Variants in ZC3H3 observed in about 807,000 individuals in gnomAD.
ZC3H3 encodes the protein zinc finger CCCH domain-containing protein 3.
In ZC3H3, 36 loss-of-function variants were observed where a neutral mutation model predicts 77.3. The observed-to-expected ratio is 0.47, with a 90% CI of 0.36 to 0.61. ZC3H3 has a LOEUF of 0.61. ZC3H3 is among the 20% of genes least tolerant of loss of function. The probability of loss-of-function intolerance (pLI) is 0.00; values close to 1 mark genes in which losing one functional copy is unlikely to be tolerated. For missense variants in ZC3H3, 1,331 were observed against 1,312.2 expected (o/e 1.01, Z -0.22); for synonymous variants, 626 against 555.2 (o/e 1.13, Z -1.79).
chr8:143,516,697 G>A (rs1379345442), intron 3 of ZC3H3, among the ~76,000 whole-genome samples: 1 of 152,098 alleles, frequency 6.6e-6, no homozygotes, highest in African/African-American at 2.4e-5. Context: ...TGCCTGGGAG[G>A]CTGGGCCCCA....
intron 4 of ZC3H3, among the ~76,000 whole-genome samples, chr8:143,501,068 C>T (rs964751824): frequency 6.6e-6 from 1 of 151,382 alleles, no homozygotes; most frequent in African/African-American, 2.4e-5. Context: ...CCGCCTATCT[C>T]GGCCTCCCAA....
intron 3 of ZC3H3, among the ~76,000 whole-genome samples, chr8:143,508,724 C>A (rs1038400522): frequency 6.6e-6 from 1 of 152,034 alleles, no homozygotes; most frequent in Non-Finnish European, 1.5e-5. Flanking sequence ...AGGCCCCCGC[C>A]CCCCTCCACC....
chr8:143,481,768 C>T (rs1490786164), intron 4 of ZC3H3, among the ~76,000 whole-genome samples: 3 of 152,240 alleles, frequency 2.0e-5, no homozygotes, highest in Non-Finnish European at 2.9e-5. Context: ...CCTCCTGCTC[C>T]CACAGCCAGG....
chr8:143,504,535 C>T (rs1218088120), intron 4 of ZC3H3, among the ~76,000 whole-genome samples: 2 of 152,164 alleles, frequency 1.3e-5, no homozygotes, highest in African/African-American at 4.8e-5. Flanking sequence ...CAGCTCAGGC[C>T]CTGTCCTGAA....
At chr8:143,472,225 G>A (rs944022033) in intron 5 of ZC3H3, among the ~76,000 whole-genome samples, 3 of 152,252 alleles carry the variant, frequency 2.0e-5, no homozygotes, top group South Asian at 2.1e-4. Context: ...GCAGGGGTGA[G>A]ACATGCCCCA....
At chr8:143,440,405 G>T (rs1269223317) in intron 10 of ZC3H3, 42 bp from the exon 11 acceptor site, 1 of 1,493,534 alleles carries the variant, frequency 6.7e-7, no homozygotes, top group Admixed American at 2.3e-5. Context: ...TGGGGTGACG[G>T]GTGGGGATCC....
rs1261441886 is a variant in ZC3H3 at position 143,468,670 on chromosome 8, G to A, written c.1904-11C>T. On this transcript the variant is annotated splice_polypyrimidine_tract_variant and intron_variant, in intron 5 of 11. Coordinates refer to ENST00000262577, the MANE Select transcript of ZC3H3 (RefSeq NM_015117.3). ...CAGGATCCAGCCGGCCTGTGGGGGA[G>A]AGAGGCACGGGTCATAGCAGGCCAC... 1.3e-6 allele frequency: 2 copies of A among 1,548,670 alleles called. No individual in the cohort carries two copies. Among genetic ancestry groups the A allele is most frequent in the Admixed American group, 2.0e-5 (1 of 50,630 alleles).
At chr8:143,438,155 C>G in intron 11 of ZC3H3, 68 bp from the exon 12 acceptor site, 6 of 1,561,362 alleles carry the variant, frequency 3.8e-6, no homozygotes, top group Non-Finnish European at 5.2e-6. Flanking sequence ...CTGCAAAGCT[C>G]CTGATCGGGC....
intron 10 of ZC3H3, among the ~76,000 whole-genome samples, 185 bp downstream of exon 10, chr8:143,440,751 C>T (rs928900904): frequency 3.9e-5 from 6 of 152,240 alleles, no homozygotes; most frequent in Admixed American, 2.0e-4. Flanking sequence ...TCTGTCCAGA[C>T]TTGGAAGTGG....
chr8:143,439,037 G>A (rs1385657428), intron 11 of ZC3H3, among the ~76,000 whole-genome samples: 2 of 152,010 alleles, frequency 1.3e-5, no homozygotes, highest in Non-Finnish European at 2.9e-5. Context: ...CGCCCAAGGT[G>A]CACACAGGAC....
In ZC3H3 at chr8:143,440,155, C is replaced by A. The variant is rs747024009; in HGVS notation, c.2701G>T (p.Ala901Ser). ...AGCTTGCAGAGCCTGTTGGAGCACG[C>A]TGCTGCTAAGGCAGCCTCCTGGAGA... Reference protein sequence around the residue: ...PSLQEAALAAACSNRLCKLPS... With the variant: ...PSLQEAALAASCSNRLCKLPS... The change falls in exon 11 of 12, where the codon GCG (alanine) becomes TCG (serine). Residue 901 changes from alanine to serine, a missense_variant. Physicochemically the swap from Ala to Ser is moderately conservative, Grantham distance 99. Transcript: ENST00000262577. 1.9e-6 allele frequency: 3 copies of A among 1,612,056 alleles called. No homozygotes were observed. In the South Asian group the frequency reaches 3.3e-5, roughly 18 times the overall value.
At chr8:143,442,605 C>G (rs1819776417) in intron 9 of ZC3H3, among the ~76,000 whole-genome samples, 1 of 152,122 alleles carries the variant, frequency 6.6e-6, no homozygotes, top group Admixed American at 6.5e-5. Context: ...TCAGATGCAC[C>G]CACAGCCCCA....
chr8:143,495,515 C>T (rs1312396678), intron 4 of ZC3H3, among the ~76,000 whole-genome samples: 1 of 152,212 alleles, frequency 6.6e-6, no homozygotes, highest in African/African-American at 2.4e-5. Flanking sequence ...GGGAAGAGGA[C>T]AGAGAAGGGC....
Position 143,440,035 on chromosome 8 carries a change from GCCTA to G in ZC3H3, c.2815+2_2815+5del, listed in dbSNP as rs1819692061. On this transcript the variant is annotated splice_donor_variant and splice_donor_5th_base_variant and intron_variant, in intron 11 of 11. Coordinates refer to ENST00000262577, the MANE Select transcript of ZC3H3 (RefSeq NM_015117.3). LOFTEE classifies it high-confidence loss of function. ...CTGGGGGCCCGAGCCAGGCCGTGCT[GCCTA>G]CCTGAGTCCTTGGTGAGGGGGGCCC... 1.3e-6 allele frequency: 2 copies of G among 1,528,084 alleles called. No individual in the cohort carries two copies. The highest frequency in any genetic ancestry group is 8.8e-7 in the Non-Finnish European group (1 of 1,137,020). The allele number at this position is 1,528,084 out of a possible 1,614,324, so 94.7% of individuals were successfully genotyped here.
intron 3 of ZC3H3, among the ~76,000 whole-genome samples, chr8:143,520,921 C>T (rs1037707778): frequency 7.2e-5 from 11 of 152,218 alleles, no homozygotes; most frequent in Non-Finnish European, 1.3e-4. Context: ...CAGCACCCTC[C>T]ATGGCTGGGT....
At chr8:143,451,997 C>A (rs1360122498) in intron 9 of ZC3H3, among the ~76,000 whole-genome samples, 1 of 152,176 alleles carries the variant, frequency 6.6e-6, no homozygotes, top group Non-Finnish European at 1.5e-5. Flanking sequence ...GCTTCCTGCC[C>A]CATCCAAGAC....
At chr8:143,529,931 G>A (rs1284054910) in intron 3 of ZC3H3, among the ~76,000 whole-genome samples, 1 of 152,186 alleles carries the variant, frequency 6.6e-6, no homozygotes, top group Non-Finnish European at 1.5e-5. Context: ...GCCAGAGGTG[G>A]GTCCAAGACC....
At chr8:143,509,333 G>A (rs577358264) in intron 3 of ZC3H3, among the ~76,000 whole-genome samples, 116 of 152,358 alleles carry the variant, frequency 7.6e-4, no homozygotes, top group African/African-American at 2.8e-3. Flanking sequence ...CAATAACCCC[G>A]AGGTGACCTC....
rs775849593 is a variant in ZC3H3 at position 143,539,185 on chromosome 8, C to G, written c.182G>C (p.Gly61Ala). Residue 61 changes from glycine (G) to alanine (A), a missense_variant, in exon 2 of 12, where the codon GGC becomes GCC. Around this residue, in one of 3 missense-constraint regions of ZC3H3, gnomAD observed 978 missense variants for 915.5 expected, o/e 1.07. Coordinates refer to ENST00000262577, the MANE Select transcript of ZC3H3 (RefSeq NM_015117.3). ...SARYPRPSRR[G>A]YSSHHGPSWR... ...CGAAGGCCCATGGTGGGAAGAGTAG[C>G]CCCTCCGGCTTGGACGAGGGTAGCG... 1 of 1,612,950 alleles carries G rather than the reference C, an allele frequency of 6.2e-7. No homozygotes were observed. The highest frequency in any genetic ancestry group is 1.1e-5 in the South Asian group (1 of 91,084).
Sources: allele counts gnomAD v4.1 joint callset (sites outside exome capture counted in the v4.1 genomes callset), GRCh38; gene constraint gnomAD v4.1.1; regional missense constraint gnomAD v4.1.1; transcripts MANE v1.5; gene names NCBI Gene and HGNC (gene_info 2026-07-23, HGNC 2026-07-21).